PDZRN4: variants seen among roughly 807,000 people sequenced by gnomAD.
PDZRN4 encodes the protein PDZ domain containing ring finger 4.
PDZRN4 carries 70 observed loss-of-function variants against 99.0 expected under a neutral mutation model. The ratio of observed to expected loss-of-function variants is 0.71; its 90% CI spans 0.58 to 0.86. The LOEUF (loss-of-function observed/expected upper bound fraction) is 0.86. Ranked by LOEUF, PDZRN4 falls within the 40% of genes least tolerant of loss-of-function variation. The pLI is 0.00. For synonymous variants in PDZRN4, 551 were observed against 501.6 expected, an observed-to-expected ratio of 1.10 and a Z score of -1.32; for missense variants, 1,474 against 1,331.2, an observed-to-expected ratio of 1.11 and a Z score of -1.67.
intron 3 of PDZRN4, among the ~76,000 whole-genome samples, chr12:41,326,078 G>A (rs918465385): frequency 7.9e-5 from 12 of 151,856 alleles, no homozygotes; most frequent in Admixed American, 7.9e-4. Context: ...CAACCTCCCA[G>A]GTTCAAGCAA....
chr12:41,433,870 T>C (rs1952605543), intron 3 of PDZRN4, among the ~76,000 whole-genome samples: 1 of 152,184 alleles, frequency 6.6e-6, no homozygotes, highest in Admixed American at 6.6e-5. Flanking sequence ...AGTCTTATTG[T>C]TAAATATAAC....
chr12:41,390,863 A>G (rs1592040328), intron 3 of PDZRN4, among the ~76,000 whole-genome samples: 2 of 152,284 alleles, frequency 1.3e-5, no homozygotes, highest in African/African-American at 2.4e-5. Flanking sequence ...GGAAGATACT[A>G]TGAATAGTTT....
At chr12:41,333,536 C>G (rs1268797350) in intron 3 of PDZRN4, among the ~76,000 whole-genome samples, 1 of 152,076 alleles carries the variant, frequency 6.6e-6, no homozygotes, top group Non-Finnish European at 1.5e-5. Flanking sequence ...ATTCTGAGTT[C>G]CAGTCTCAAG....
chr12:41,426,971 G>C (rs941721161), intron 3 of PDZRN4, among the ~76,000 whole-genome samples: 1 of 152,160 alleles, frequency 6.6e-6, no homozygotes, highest in African/African-American at 2.4e-5. Flanking sequence ...CTTCCCAGCT[G>C]ATTCCTACAC....
chr12:41,387,529 T>C (rs971489863), intron 3 of PDZRN4, among the ~76,000 whole-genome samples: 4 of 152,070 alleles, frequency 2.6e-5, no homozygotes, highest in Non-Finnish European at 5.9e-5. Flanking sequence ...AAGGTGAAGA[T>C]TGCAGGAAGC....
intron 5 of PDZRN4, among the ~76,000 whole-genome samples, chr12:41,550,231 C>T (rs980140751): frequency 1.3e-5 from 2 of 152,146 alleles, no homozygotes; most frequent in Non-Finnish European, 2.9e-5. Context: ...TCTCACAATA[C>T]TGAGAGTTGC....
rs778403755 is a variant in PDZRN4, at chr12:41,572,789, T to C, written c.2010T>C (p.Asn670=). 1 of 1,614,132 alleles carries C rather than the reference T, an allele frequency of 6.2e-7. No individual in the cohort carries two copies. Among genetic ancestry groups the C allele is most frequent in the East Asian group, 2.2e-5 (1 of 44,864 alleles). The change falls in exon 10 of 10, where the codon AAT becomes AAC. Residue 670 remains asparagine, a synonymous_variant. Coordinates refer to ENST00000402685, the MANE Select transcript of PDZRN4 (RefSeq NM_001164595.2). The part of the protein sequence containing the change: ...EGVEHELQLL[N]EELRNIELEC... ...TGGAGCATGAGCTACAGTTGCTTAA[T>C]GAAGAACTGAGAAACATTGAGCTTG...
chr12:41,459,230 T>G (rs1315318263), intron 3 of PDZRN4, among the ~76,000 whole-genome samples: 1 of 152,230 alleles, frequency 6.6e-6, no homozygotes, highest in Non-Finnish European at 1.5e-5. Context: ...ATCCCGTAGA[T>G]TTGTTAATCT....
At chr12:41,358,751 C>G (rs181418305) in intron 3 of PDZRN4, among the ~76,000 whole-genome samples, 172 of 152,048 alleles carry the variant, frequency 1.1e-3, no homozygotes, top group African/African-American at 4.0e-3. Context: ...CCATGGATGA[C>G]TTTATTTTGT....
chr12:41,379,502 C>A (rs1394759062), intron 3 of PDZRN4, among the ~76,000 whole-genome samples: 1 of 151,226 alleles, frequency 6.6e-6, no homozygotes, highest in Non-Finnish European at 1.5e-5. Flanking sequence ...GCATTTATAG[C>A]TTTAAACTTT....
chr12:41,558,494 T>C (rs573366890), intron 7 of PDZRN4, among the ~76,000 whole-genome samples: 108 of 152,342 alleles, frequency 7.1e-4, no homozygotes, highest in African/African-American at 2.5e-3. Flanking sequence ...AATACAGTTA[T>C]TAAAATTTCA....
intron 3 of PDZRN4, among the ~76,000 whole-genome samples, chr12:41,501,932 T>A (rs552706492): frequency 4.6e-5 from 7 of 152,266 alleles, no homozygotes; most frequent in African/African-American, 1.7e-4. Context: ...ACCTTATAAC[T>A]GCTTCAAGTT....
chr12:41,342,113 C>G (rs1951822877), intron 3 of PDZRN4, among the ~76,000 whole-genome samples: 2 of 151,846 alleles, frequency 1.3e-5, no homozygotes, highest in South Asian at 4.1e-4. Flanking sequence ...ATAGTTTATT[C>G]AATAAATGGT....
chr12:41,461,736 G>A (rs1310475538), intron 3 of PDZRN4, among the ~76,000 whole-genome samples: 1 of 152,016 alleles, frequency 6.6e-6, no homozygotes, highest in Non-Finnish European at 1.5e-5. Flanking sequence ...TCTACTTTAT[G>A]ATGTCCTCTC....
At chr12:41,383,129 T>C (rs1302133975) in intron 3 of PDZRN4, among the ~76,000 whole-genome samples, 1 of 152,200 alleles carries the variant, frequency 6.6e-6, no homozygotes, top group Admixed American at 6.6e-5. Flanking sequence ...GGTCCTCAGT[T>C]GTGTGAGGCC....
intron 3 of PDZRN4, among the ~76,000 whole-genome samples, chr12:41,476,765 G>A (rs1310593259): frequency 6.6e-6 from 1 of 152,206 alleles, no homozygotes; most frequent in Non-Finnish European, 1.5e-5. Context: ...GATAATGATG[G>A]TGGTTCCCAT....
At position 41,255,091 on chromosome 12, in the gene PDZRN4, A is replaced by G. The variant is rs544573920; in HGVS notation, c.843+60903A>G. Among the ~76,000 whole-genome samples, 4 of 152,258 alleles carry G rather than the reference A, an allele frequency of 2.6e-5. No individual in the cohort carries two copies. In the South Asian group the frequency reaches 8.3e-4, roughly 32 times the overall value. On this transcript the variant is annotated intron_variant, in intron 3 of 9. Coordinates refer to ENST00000402685, the MANE Select transcript of PDZRN4 (RefSeq NM_001164595.2). Reference sequence around the variant, plus strand: ...AGAGAAAAAGAAAAGAAAACGAAAGAGTTGGCTCCCTGGGTGTGGAAAGGG... The same window carrying G: ...AGAGAAAAAGAAAAGAAAACGAAAGGGTTGGCTCCCTGGGTGTGGAAAGGG...
intron 3 of PDZRN4, among the ~76,000 whole-genome samples, chr12:41,447,909 G>T (rs78628798): frequency 3.7e-4 from 57 of 152,212 alleles, no homozygotes; most frequent in African/African-American, 1.2e-3. Context: ...ATGGAAGAAG[G>T]AATGGAGGAG....
rs1565619537 is a variant in PDZRN4, at chr12:41,572,585, C to T, written c.1806C>T (p.Tyr602=). The change falls in exon 10 of 10, where the codon TAC becomes TAT. Residue 602 remains tyrosine, a synonymous_variant. Transcript: ENST00000402685. ...QDTLGSVELQ[Y]NESLVSGEYI... ...CTCTGGGAAGTGTTGAACTTCAGTA[C>T]AATGAGAGCCTCGTATCTGGTGAAT... 6.2e-7 allele frequency: 1 copy of T among 1,614,078 alleles called. No homozygotes were observed.
Sources: gnomAD v4.1 joint callset for allele counts (sites outside exome capture counted in the v4.1 genomes callset) on GRCh38, gnomAD v4.1.1 for gene constraint, MANE v1.5 for transcripts, NCBI Gene and HGNC (gene_info 2026-07-23, HGNC 2026-07-21) for gene names.